PABPC4L: variants seen among roughly 807,000 people sequenced by gnomAD.
PABPC4L encodes the protein polyadenylate-binding protein 4-like.
For synonymous variants in PABPC4L, 169 were observed against 164.1 expected, an observed-to-expected ratio of 1.03 and a Z score of -0.23; for missense variants, 452 against 451.4, an observed-to-expected ratio of 1.00 and a Z score of -0.01.
the PABPC4L span, among the ~76,000 whole-genome samples, chr4:134,030,185 G>T: frequency 6.6e-6 from 1 of 151,942 alleles, no homozygotes. Context: ...GGTACTGGGT[G>T]GGGTGCTGCT....
the PABPC4L span, among the ~76,000 whole-genome samples, chr4:134,025,228 G>C: frequency 1.3e-5 from 2 of 149,592 alleles, no homozygotes; most frequent in African/African-American, 4.9e-5. Context: ...AGCTACTTGG[G>C]AGGCTGAGAC....
chr4:133,961,209 G>C, the PABPC4L span, among the ~76,000 whole-genome samples: 124 of 152,210 alleles, frequency 8.1e-4, no homozygotes, highest in African/African-American at 2.9e-3. Flanking sequence ...CCACAGCTGA[G>C]AGACCCACAG....
At chr4:133,986,857 T>C in the PABPC4L span, among the ~76,000 whole-genome samples, 2 of 152,058 alleles carry the variant, frequency 1.3e-5, no homozygotes, top group Admixed American at 1.3e-4. Context: ...TGCCTCAGCC[T>C]CCGGAGTAGC....
chr4:134,168,694 A>G, the PABPC4L span, among the ~76,000 whole-genome samples: 4 of 152,174 alleles, frequency 2.6e-5, no homozygotes, highest in East Asian at 5.8e-4. Context: ...TCCTAGACAC[A>G]TAAAACCTAC....
chr4:134,036,416 G>A, the PABPC4L span, among the ~76,000 whole-genome samples: 1 of 152,040 alleles, frequency 6.6e-6, no homozygotes, highest in Non-Finnish European at 1.5e-5. Context: ...TCATAGCACT[G>A]GATTTTAAAA....
At chr4:133,994,809 AC>A in the PABPC4L span, among the ~76,000 whole-genome samples, 2 of 152,064 alleles carry the variant, frequency 1.3e-5, no homozygotes, top group African/African-American at 2.4e-5. Flanking sequence ...GAATATGCAG[AC>A]TTTTACATTT....
chr4:133,987,387 T>A, the PABPC4L span, among the ~76,000 whole-genome samples: 5 of 152,284 alleles, frequency 3.3e-5, 1 homozygote, highest in Middle Eastern at 0.01. Flanking sequence ...TTGTAATTTC[T>A]GGGAACAATT....
chr4:133,969,976 C>G, the PABPC4L span, among the ~76,000 whole-genome samples: 1 of 151,024 alleles, frequency 6.6e-6, no homozygotes, highest in South Asian at 2.1e-4. Flanking sequence ...ATCAATCTAC[C>G]AAAACAGTGC....
the PABPC4L span, among the ~76,000 whole-genome samples, chr4:134,167,622 G>C: frequency 6.6e-6 from 1 of 151,474 alleles, no homozygotes; most frequent in Non-Finnish European, 1.5e-5. Flanking sequence ...AATCTAAAAA[G>C]AGCAGGAATA....
chr4:134,115,307 T>TTA, the PABPC4L span, among the ~76,000 whole-genome samples: 3 of 151,848 alleles, frequency 2.0e-5, no homozygotes, highest in African/African-American at 7.2e-5. Flanking sequence ...TCATTAAGCT[T>TTA]ATAGTCTACT....
At chr4:134,000,693 G>A in the PABPC4L span, among the ~76,000 whole-genome samples, 2 of 152,182 alleles carry the variant, frequency 1.3e-5, no homozygotes, top group Admixed American at 1.3e-4. Flanking sequence ...AATATGAGTG[G>A]CAGCAGTCAA....
the PABPC4L span, among the ~76,000 whole-genome samples, chr4:133,963,047 T>A: frequency 1.3e-5 from 2 of 152,120 alleles, no homozygotes; most frequent in South Asian, 2.1e-4. Context: ...GATACAGAAC[T>A]GCAGAATGGA....
At chr4:134,094,734 G>T in the PABPC4L span, among the ~76,000 whole-genome samples, 2 of 151,460 alleles carry the variant, frequency 1.3e-5, no homozygotes, top group Admixed American at 6.6e-5. Context: ...AATATTAAAG[G>T]TAGCATTTTT....
At chr4:134,158,828 A>G in the PABPC4L span, among the ~76,000 whole-genome samples, 2 of 152,140 alleles carry the variant, frequency 1.3e-5, no homozygotes, top group African/African-American at 4.8e-5. Context: ...TCCTGGGGAT[A>G]TTATAGAGTG....
chr4:134,132,979 A>T, the PABPC4L span, among the ~76,000 whole-genome samples: 2 of 139,898 alleles, frequency 1.4e-5, no homozygotes, highest in Non-Finnish European at 3.0e-5. Context: ...TATATTATGT[A>T]TATAATTAAT....
downstream of PABPC4L, among the ~76,000 whole-genome samples, chr4:134,192,292 A>G (rs1729532357): frequency 6.6e-6 from 1 of 152,088 alleles, no homozygotes; most frequent in Non-Finnish European, 1.5e-5. Flanking sequence ...AATACTACTT[A>G]TACTATATAT....
At chr4:133,958,436 C>A in the PABPC4L span, among the ~76,000 whole-genome samples, 1 of 152,300 alleles carries the variant, frequency 6.6e-6, no homozygotes, top group South Asian at 2.1e-4. Flanking sequence ...TTTCTGACCC[C>A]TCCAAACTAT....
chr4:134,059,707 C>A, the PABPC4L span, among the ~76,000 whole-genome samples: 1 of 151,508 alleles, frequency 6.6e-6, no homozygotes, highest in African/African-American at 2.4e-5. Context: ...TTCAGGAAGT[C>A]CCCTGAAATG....
the PABPC4L span, among the ~76,000 whole-genome samples, chr4:133,990,774 G>A: frequency 6.6e-6 from 1 of 152,148 alleles, no homozygotes; most frequent in African/African-American, 2.4e-5. Context: ...AATGATCAAA[G>A]GTTGGTTTCT....
Sources: gnomAD v4.1 joint callset for allele counts (sites outside exome capture counted in the v4.1 genomes callset) on GRCh38, gnomAD v4.1.1 for gene constraint, MANE v1.5 for transcripts, NCBI Gene and HGNC (gene_info 2026-07-23, HGNC 2026-07-21) for gene names.